The following PPP1R42 variants were observed in gnomAD, a reference collection of about 807,000 sequenced individuals.
The protein encoded by PPP1R42 is leucine rich repeat containing 67.
A neutral mutation model predicts 31.0 loss-of-function variants in PPP1R42; 34 were observed. The observed-to-expected ratio is 1.10, with a 90% CI of 0.83 to 1.46. The LOEUF is 1.46. PPP1R42 is among the 40% of genes most tolerant of loss of function. The pLI is 0.00. For synonymous variants in PPP1R42, 103 were observed against 109.8 expected (o/e 0.94, Z 0.39); for missense variants, 268 against 303.0 (o/e 0.88, Z 0.86).
chr8:67,017,512 A>G, intron 2 of PPP1R42, 107 bp downstream of exon 2: 1 of 606,336 alleles, frequency 1.6e-6, no homozygotes, highest in Non-Finnish European at 2.5e-6. Flanking sequence ...AAAAAAGTTA[A>G]TAAGAATAAT....
chr8:66,966,859 A>C (rs1187255410), intron 7 of PPP1R42, among the ~76,000 whole-genome samples: 1 of 152,332 alleles, frequency 6.6e-6, no homozygotes, highest in Middle Eastern at 3.4e-3. Flanking sequence ...AAAATAATAT[A>C]ATTCTTTTGA....
intron 7 of PPP1R42, among the ~76,000 whole-genome samples, chr8:66,964,931 A>C (rs980986184): frequency 2.0e-5 from 3 of 152,222 alleles, no homozygotes; most frequent in Non-Finnish European, 4.4e-5. Context: ...GACCCTTTGC[A>C]GTCAACCCTT....
intron 5 of PPP1R42, among the ~76,000 whole-genome samples, chr8:66,991,589 G>A (rs149456475): frequency 6.6e-6 from 1 of 152,132 alleles, no homozygotes; most frequent in African/African-American, 2.4e-5. Context: ...AGTTTTCTCA[G>A]TTATCTGCCT....
At chr8:67,022,460 T>C (rs1585690604) in intron 1 of PPP1R42, among the ~76,000 whole-genome samples, 1 of 152,210 alleles carries the variant, frequency 6.6e-6, no homozygotes, top group African/African-American at 2.4e-5. Context: ...GTAGCTTGTC[T>C]TTTCTCTTTT....
intron 3 of PPP1R42, 47 bp downstream of exon 3, chr8:67,014,379 C>T (rs1022871471): frequency 8.5e-7 from 1 of 1,173,472 alleles, no homozygotes; most frequent in South Asian, 2.0e-5. Context: ...ATGTAAGTAC[C>T]ATAATCATAA....
At chr8:66,993,667 G>C (rs1815254093) in intron 5 of PPP1R42, among the ~76,000 whole-genome samples, 1 of 152,134 alleles carries the variant, frequency 6.6e-6, no homozygotes, top group Non-Finnish European at 1.5e-5. Context: ...TGTGGTACTT[G>C]TGCAATTTTA....
At chr8:66,976,279 C>T (rs923833904) in intron 7 of PPP1R42, among the ~76,000 whole-genome samples, 2 of 152,014 alleles carry the variant, frequency 1.3e-5, no homozygotes, top group Admixed American at 6.6e-5. Flanking sequence ...GCTGACTCTG[C>T]GTTATGGTGA....
At position 66,988,480 on chromosome 8, in the gene PPP1R42, C is replaced by T; in HGVS notation, c.590G>A (p.Trp197Ter). 6.2e-7 allele frequency: 1 copy of T among 1,611,232 alleles called. No individual in the cohort carries two copies. The change falls in exon 6 of 8, where the codon TGG (tryptophan) becomes TAG (stop). Residue 197 changes from tryptophan (W) to a stop codon, truncating the protein, a stop_gained. Transcript: ENST00000685739. LOFTEE classifies it high-confidence loss of function. ...AGGATTTCCATTTAGATCAATTTTC[C>T]ACAGCTTCATCAACTTGTTCAGTAA... ...EFLLNKLMKL[W>*]KIDLNGNPVC...
intron 5 of PPP1R42, among the ~76,000 whole-genome samples, chr8:67,004,038 C>T (rs1008328585): frequency 1.1e-4 from 16 of 150,658 alleles, no homozygotes; most frequent in Non-Finnish European, 1.5e-4. Context: ...GGCAGTGAGC[C>T]GAGATGGCAC....
intron 6 of PPP1R42, chr8:66,985,983 C>G: frequency 1.3e-6 from 1 of 748,944 alleles, no homozygotes; most frequent in Non-Finnish European, 2.5e-6. Context: ...TCCGTCACTG[C>G]TAGACTTGGA....
intron 5 of PPP1R42, among the ~76,000 whole-genome samples, chr8:67,008,728 G>A (rs189992382): frequency 6.7e-6 from 1 of 149,658 alleles, no homozygotes; most frequent in Non-Finnish European, 1.5e-5. Flanking sequence ...AAAAAAAAGA[G>A]GATTTAGATG....
intron 7 of PPP1R42, chr8:66,968,371 G>A (rs1814444433): frequency 5.4e-6 from 3 of 559,050 alleles, no homozygotes; most frequent in Non-Finnish European, 6.8e-6. Context: ...AGCCCCCAGT[G>A]TGTAGAACCC....
chr8:66,985,063 T>C lies in PPP1R42; in HGVS notation c.671-2883A>G, dbSNP rs1428858892. 2.2e-6 allele frequency: 3 copies of C among 1,373,998 alleles called. No homozygotes were observed. In the African/African-American group the frequency reaches 4.3e-5, roughly 20 times the overall value. 85.1% of individuals were successfully genotyped at this position (1,373,998 alleles called of 1,614,324 possible). A position where few individuals can be genotyped will look rare whatever the true frequency, so the allele number is the denominator to read the frequency against. On this transcript the variant is annotated intron_variant, in intron 6 of 7. Transcript: ENST00000685739. ...GGGGATTATGTAAGAGTCCCACCAC[T>C]CAATTTCAGGGATATCTCCTTCCTT...
rs556625659 is a variant in PPP1R42 at position 66,982,604 on chromosome 8, G to A, written c.671-424C>T. Reference sequence around the variant, plus strand: ...CCCGAATAGCTGGGACCACAGGTGTGCACCACCATCCCCAGCTATTTTTTT... The same window carrying A: ...CCCGAATAGCTGGGACCACAGGTGTACACCACCATCCCCAGCTATTTTTTT... On this transcript the variant is annotated intron_variant, in intron 6 of 7. Coordinates refer to ENST00000685739, the MANE Select transcript of PPP1R42 (RefSeq NM_001364910.1). Among the ~76,000 whole-genome samples the A allele has an allele frequency of 3.9e-5, 6 of 152,098 alleles. No homozygotes were observed. The South Asian group carries it at 1.0e-3, about 26-fold the overall frequency.
Position 66,988,866 on chromosome 8 carries a change from G to A in PPP1R42, c.553-349C>T, listed in dbSNP as rs1197059434. 2.6e-5 allele frequency among the ~76,000 whole-genome samples: 4 copies of A among 152,080 alleles called. No homozygotes were observed. In the East Asian group the frequency reaches 5.8e-4, roughly 22 times the overall value. On this transcript the variant is annotated intron_variant, in intron 5 of 7. Coordinates refer to ENST00000685739, the MANE Select transcript of PPP1R42 (RefSeq NM_001364910.1). ...GAAGTTTACAGATTAGGCAATTAAG[G>A]GGTAGTGAGTAAGCAGTCCCTGGTG...
rs966161768 is a variant in PPP1R42, at chr8:66,982,035, G to A, written c.802+14C>T. On this transcript the variant is annotated intron_variant, in intron 7 of 7. Transcript: ENST00000685739. ...CTAGAAGAGCAGTCACCTAATGAGT[G>A]ACAGAGTGCTTACTTATGAGTGAAT... 48 of 1,394,320 alleles carry A rather than the reference G, an allele frequency of 3.4e-5. No homozygotes were observed. In the African/African-American group the frequency reaches 7.0e-4, roughly 20 times the overall value. The allele number at this position is 1,394,320 out of a possible 1,614,324, so 86.4% of individuals were successfully genotyped here.
intron 5 of PPP1R42, among the ~76,000 whole-genome samples, chr8:67,001,069 G>A (rs1815469387): frequency 6.6e-6 from 1 of 151,606 alleles, no homozygotes; most frequent in Non-Finnish European, 1.5e-5. Context: ...TATATCTCTG[G>A]TAATATTTCT....
At position 66,991,817 on chromosome 8, in the gene PPP1R42, T is replaced by TTCTTCTTTCATGTGCTTCTC. The variant is rs539683649; in HGVS notation, c.553-3301_553-3300insGAGAAGCACATGAAAGAAGA. On this transcript the variant is annotated intron_variant, in intron 5 of 7. Coordinates refer to ENST00000685739, the MANE Select transcript of PPP1R42 (RefSeq NM_001364910.1). ...AAACTTCTTGAAGACTGATCCGGAC[T>TTCTTCTTTCATGTGCTTCTC]AATGCTTCTCAAACTTTCATGTGCT... is the stretch of plus-strand genomic sequence containing the variant. Among the ~76,000 whole-genome samples, 115 of 152,314 alleles carry TTCTTCTTTCATGTGCTTCTC rather than the reference T, an allele frequency of 7.6e-4. 1 individual carries two copies. The highest frequency in any genetic ancestry group is 2.6e-3 in the African/African-American group (108 of 41,568).
intron 7 of PPP1R42, chr8:66,971,250 T>A: frequency 2.8e-6 from 2 of 715,216 alleles, no homozygotes; most frequent in Non-Finnish European, 4.1e-6. Context: ...GCCAAATGAA[T>A]ACACAGTAAA....
Sources: allele counts gnomAD v4.1 joint callset (sites outside exome capture counted in the v4.1 genomes callset), GRCh38; gene constraint gnomAD v4.1.1; transcripts MANE v1.5; gene names NCBI Gene and HGNC (gene_info 2026-07-23, HGNC 2026-07-21).